GNAS: variants seen among roughly 807,000 people sequenced by gnomAD.
The protein encoded by GNAS is protein ALEX.
GNAS carries 8 observed loss-of-function variants against 54.5 expected under a neutral mutation model. That is an observed-to-expected ratio of 0.15 (90% CI 0.09 to 0.26). The LOEUF is 0.26. Ranked by LOEUF, GNAS falls within the 10% of genes least tolerant of loss-of-function variation. The pLI, the probability that GNAS is intolerant of heterozygous loss-of-function variation, is 1.00. For synonymous variants in GNAS, 204 were observed against 191.4 expected (o/e 1.07, Z -0.54); for missense variants, 170 against 529.8 (o/e 0.32, Z 6.67).
intron 1 of GNAS, chr20:58,850,756 C>T (rs931520358): frequency 2.5e-6 from 1 of 398,736 alleles, no homozygotes; most frequent in African/African-American, 2.1e-5. Flanking sequence ...TCCCCCGAGG[C>T]TCGGCAACCT....
At chr20:58,848,316 C>A (rs2086016885) in intron 1 of GNAS, among the ~76,000 whole-genome samples, 2 of 152,230 alleles carry the variant, frequency 1.3e-5, no homozygotes, top group Admixed American at 6.5e-5. Flanking sequence ...CACAGCCCCT[C>A]ATGACAGGGG....
intron 1 of GNAS, among the ~76,000 whole-genome samples, chr20:58,845,771 GAAT>G (rs528929261): frequency 4.7e-4 from 72 of 152,148 alleles, no homozygotes; most frequent in Non-Finnish European, 9.0e-4. Context: ...AGAGAAGCCA[GAAT>G]AAACAGCCTA....
intron 1 of GNAS, chr20:58,892,289 CG>C (rs1237790141): frequency 3.5e-6 from 2 of 579,236 alleles, no homozygotes; most frequent in Non-Finnish European, 4.3e-6. Context: ...GACAGGAAAC[CG>C]GGTGGCGGGT....
chr20:58,842,008 G>A lies in GNAS; in HGVS notation c.43+1122G>A, dbSNP rs1600662306. 5.8e-6 allele frequency: 5 copies of A among 866,906 alleles called. No individual in the cohort carries two copies. The East Asian group carries it at 1.0e-4, about 17-fold the overall frequency. 53.7% of individuals were successfully genotyped at this position (866,906 alleles called of 1,614,324 possible). On this transcript the variant is annotated intron_variant, in intron 1 of 12. Transcript: ENST00000306090. ...TTGGATCCGGCGCCAGTCCTTGGAC[G>A]ATCAGTCGTCGAAAAGGAGGCAGGG...
Position 58,878,914 on chromosome 20 carries a change from G to A in GNAS, c.44-16698G>A, listed in dbSNP as rs546810229. On this transcript the variant is annotated intron_variant, in intron 1 of 12. Coordinates refer to the GNAS transcript ENST00000306090. Reference sequence around the variant, plus strand: ...AGCGGTGGTGGTGGGGGTGCGGGTGGGGGGGGGAGGGAGACAAATCAGATG... The same window carrying A: ...AGCGGTGGTGGTGGGGGTGCGGGTGAGGGGGGGAGGGAGACAAATCAGATG... 9.3e-4 allele frequency among the ~76,000 whole-genome samples: 19 copies of A among 20,404 alleles called. No homozygotes were observed. In the South Asian group the frequency reaches 0.019, roughly 21 times the overall value. The allele number at this position is 20,404 out of a possible 152,430, so 13.4% of individuals were successfully genotyped here.
At chr20:58,877,642 G>A (rs2087914369) in intron 1 of GNAS, among the ~76,000 whole-genome samples, 1 of 152,330 alleles carries the variant, frequency 6.6e-6, no homozygotes, top group East Asian at 1.9e-4. Flanking sequence ...TGCTCTGATG[G>A]GCAGAAGCCA....
At position 58,853,189 on chromosome 20, in the gene GNAS, AAT is replaced by A; in HGVS notation, c.43+12304_43+12305del. 1 of 1,448,786 alleles carries A rather than the reference AAT, an allele frequency of 6.9e-7. No homozygotes were observed. Among genetic ancestry groups the A allele is most frequent in the South Asian group, 1.5e-5 (1 of 66,146 alleles). The allele number at this position is 1,448,786 out of a possible 1,614,324, so 89.7% of individuals were successfully genotyped here. A position where few individuals can be genotyped will look rare whatever the true frequency, so the allele number is the denominator to read the frequency against. ...ACTTTGATTTTAAAATAATAATAATAATTTTTTCACCCTAGTTCGGTTGGGTG... is the reference window on the plus strand; with the variant it reads ...ACTTTGATTTTAAAATAATAATAATATTTTTCACCCTAGTTCGGTTGGGTG... On this transcript the variant is annotated intron_variant, in intron 1 of 12. Transcript: ENST00000306090. This position sits in a 1 kb window ranked among gnomAD's most constrained non-coding sequence, Gnocchi z 4.4.
intron 1 of GNAS, among the ~76,000 whole-genome samples, chr20:58,878,912 T>TGGGGGGGGGGGGGGG (rs11086659): frequency 1.4e-3 from 137 of 95,318 alleles, no homozygotes; most frequent in Non-Finnish European, 1.8e-3. Context: ...GGGGTGCGGG[T>TGGGGGGGGGGGGGGG]GGGGGGGGGA....
intron 1 of GNAS, among the ~76,000 whole-genome samples, chr20:58,880,690 A>G (rs2088171129): frequency 6.6e-6 from 1 of 150,992 alleles, no homozygotes. Context: ...CTAGTTGTGT[A>G]TTTTTTCCCT....
intron 1 of GNAS, among the ~76,000 whole-genome samples, chr20:58,885,688 G>A (rs1453320759): frequency 1.3e-5 from 2 of 152,186 alleles, no homozygotes. Flanking sequence ...AAGTAATAGA[G>A]CCTTCTTACA....
upstream of GNAS, chr20:58,840,236 G>T: frequency 6.2e-7 from 1 of 1,610,928 alleles, no homozygotes; most frequent in South Asian, 1.1e-5. The surrounding 1 kb of genome is among the most constrained non-coding windows in gnomAD (Gnocchi z 6.0). Flanking sequence ...GCTCCTCCGC[G>T]CCCTTGCCAC....
intron 1 of GNAS, among the ~76,000 whole-genome samples, chr20:58,865,274 C>T (rs868755886): frequency 3.3e-5 from 5 of 151,472 alleles, no homozygotes; most frequent in Admixed American, 2.6e-4. Context: ...AAAAATTAGC[C>T]GGGCGTGGTG....
upstream of GNAS, chr20:58,889,121 G>T (rs2088836064): frequency 2.6e-6 from 3 of 1,173,656 alleles, no homozygotes; most frequent in Non-Finnish European, 3.2e-6. Context: ...TCGGTCCTCT[G>T]AAGAGGCTGG....
At chr20:58,872,742 G>A (rs2087551047) in intron 1 of GNAS, among the ~76,000 whole-genome samples, 1 of 151,948 alleles carries the variant, frequency 6.6e-6, no homozygotes, top group African/African-American at 2.4e-5. Flanking sequence ...CTGTGCTGGG[G>A]TGAGGGTGGG....
Position 58,910,992 on chromosome 20 carries a change from T to A in GNAS, c.*163T>A. ...AACCCCCTTTTCCCTTCAGCTTGCT[T>A]AGATGTTCCAAATTTAGAAAGCTTA... On this transcript the variant is annotated 3_prime_UTR_variant, in exon 13 of 13. Coordinates refer to ENST00000371085, the MANE Select transcript of GNAS (RefSeq NM_000516.7). This position sits in a 1 kb window ranked among gnomAD's most constrained non-coding sequence, Gnocchi z 5.8. The A allele has an allele frequency of 1.3e-6, 1 of 743,368 alleles. No individual in the cohort carries two copies. Among genetic ancestry groups the A allele is most frequent in the Non-Finnish European group, 2.4e-6 (1 of 425,356 alleles). The allele number at this position is 743,368 out of a possible 1,614,324, so 46.0% of individuals were successfully genotyped here.
intron 6 of GNAS, among the ~76,000 whole-genome samples, chr20:58,908,031 C>T (rs1159320958): frequency 6.6e-6 from 1 of 152,196 alleles, no homozygotes; most frequent in Non-Finnish European, 1.5e-5. Flanking sequence ...TATTTCTGGA[C>T]TGGTGCTGTA....
Position 58,905,457 on chromosome 20 carries a change from C to T in GNAS, c.507C>T (p.Tyr169=), listed in dbSNP as rs774895847. The T allele has an allele frequency of 4.4e-6, 7 of 1,599,158 alleles. No individual in the cohort carries two copies. The East Asian group carries it at 1.1e-4, about 25-fold the overall frequency. ...CCTGCTACGAACGCTCCAACGAGTA[C>T]CAGCTGATTGACTGTGCCCAGTAGT... is the stretch of plus-strand genomic sequence containing the variant. ...VRACYERSNE[Y]QLIDCAQYFL... is the part of the protein sequence containing the mutation. Residue 169 remains tyrosine, a synonymous_variant, in exon 6 of 13, where the codon TAC becomes TAT. Transcript: ENST00000371085.
chr20:58,840,469 C>T (rs1568907867), upstream of GNAS: 1 of 1,613,552 alleles, frequency 6.2e-7, no homozygotes, highest in South Asian at 1.1e-5. The surrounding 1 kb of genome is among the most constrained non-coding windows in gnomAD (Gnocchi z 6.0). Flanking sequence ...AAATCGAGTC[C>T]GAGACCGACT....
At chr20:58,895,825 G>C (rs1440672953) in intron 2 of GNAS, 141 bp downstream of exon 2, 5 of 682,062 alleles carry the variant, frequency 7.3e-6, no homozygotes, top group Non-Finnish European at 1.3e-5. Context: ...AGAAAATCCT[G>C]GGAAGGGCTC....
Sources: allele counts gnomAD v4.1 joint callset (sites outside exome capture counted in the v4.1 genomes callset), GRCh38; gene constraint gnomAD v4.1.1; non-coding constraint Gnocchi (gnomAD v3.1); transcripts MANE v1.5; gene names NCBI Gene and HGNC (gene_info 2026-07-23, HGNC 2026-07-21).